CNTLN: variants seen among roughly 807,000 people sequenced by gnomAD.
CNTLN encodes centlein.
A neutral mutation model predicts 180.0 loss-of-function variants in CNTLN; 212 were observed. The ratio of observed to expected loss-of-function variants is 1.18; its 90% CI spans 1.05 to 1.32. The LOEUF (loss-of-function observed/expected upper bound fraction) is 1.32, where lower values mean the gene tolerates loss of function less well. CNTLN is among the 40% of genes most tolerant of loss of function. The pLI is 0.00. For synonymous variants in CNTLN, 722 were observed against 563.1 expected (o/e 1.28, Z -3.99); for missense variants, 2,095 against 1,610.9 (o/e 1.30, Z -5.14).
At position 17,279,653 on chromosome 9, in the gene CNTLN, G is replaced by A. The variant is rs201458324; in HGVS notation, c.983+5787G>A. 1.3e-4 allele frequency among the ~76,000 whole-genome samples: 19 copies of A among 149,340 alleles called. No homozygotes were observed. In the East Asian group the frequency reaches 3.3e-3, roughly 26 times the overall value. The stretch of plus-strand genomic sequence containing the variant: ...TTTTTTTTTTTTCCTGCAGAATTAT[G>A]TAGAGCAGCTGCTCGAAACCCTCTG... On this transcript the variant is annotated intron_variant, in intron 6 of 25. Coordinates refer to ENST00000380647, the MANE Select transcript of CNTLN (RefSeq NM_017738.4).
intron 7 of CNTLN, among the ~76,000 whole-genome samples, chr9:17,308,663 G>T (rs951590572): frequency 6.6e-6 from 1 of 150,766 alleles, no homozygotes. Context: ...TTTTGTTTTT[G>T]GTCAATTCCA....
chr9:17,400,262 T>A lies in CNTLN; in HGVS notation c.2615+5193T>A, dbSNP rs975666025. Among the ~76,000 whole-genome samples the A allele has an allele frequency of 4.6e-5, 7 of 152,074 alleles. No homozygotes were observed. In the East Asian group the frequency reaches 1.4e-3, roughly 29 times the overall value. Reference sequence around the variant, plus strand: ...AAGCGATTCTCCTGCCTCAGCCTCCTGCGTAGCTGGGAATACCGGCGCACA... The same window carrying A: ...AAGCGATTCTCCTGCCTCAGCCTCCAGCGTAGCTGGGAATACCGGCGCACA... On this transcript the variant is annotated intron_variant, in intron 15 of 25. Coordinates refer to ENST00000380647, the MANE Select transcript of CNTLN (RefSeq NM_017738.4).
chr9:17,226,214 A>T lies in CNTLN; in HGVS notation c.461A>T (p.Lys154Ile), dbSNP rs1300831674. Residue 154 changes from lysine (K) to isoleucine (I), a missense_variant, in exon 3 of 26, where the codon AAA becomes ATA. Lys to Ile is a moderately radical substitution (Grantham distance 102, BLOSUM62 -3). Coordinates refer to ENST00000380647, the MANE Select transcript of CNTLN (RefSeq NM_017738.4). ...VSLVVEREKQ[K>I]SEAKDRKVLE... ...TATTTTATATCTAGAGAAAAACAGA[A>T]ATCTGAAGCTAAAGACAGAAAAGTT... is the stretch of plus-strand genomic sequence containing the variant. 9.0e-6 allele frequency: 14 copies of T among 1,562,808 alleles called. No homozygotes were observed. The highest frequency in any genetic ancestry group is 1.4e-5 in the African/African-American group (1 of 72,328).
chr9:17,169,001 C>G (rs1397192250), intron 2 of CNTLN, among the ~76,000 whole-genome samples: 1 of 152,024 alleles, frequency 6.6e-6, no homozygotes, highest in African/African-American at 2.4e-5. Context: ...GATTTAGAGT[C>G]TTTTTATTTT....
chr9:17,380,237 T>C (rs377763258), intron 13 of CNTLN, among the ~76,000 whole-genome samples: 12 of 152,240 alleles, frequency 7.9e-5, no homozygotes, highest in Admixed American at 4.6e-4. Context: ...CCTGAGGCAT[T>C]GGGGGAGGGT....
chr9:17,323,784 A>C (rs1219254075), intron 8 of CNTLN, among the ~76,000 whole-genome samples: 1 of 152,214 alleles, frequency 6.6e-6, no homozygotes. Flanking sequence ...AATGTGAACA[A>C]AATCTTCTTG....
At chr9:17,159,801 A>G (rs776463847) in intron 2 of CNTLN, among the ~76,000 whole-genome samples, 4 of 152,184 alleles carry the variant, frequency 2.6e-5, no homozygotes, top group Non-Finnish European at 5.9e-5. Flanking sequence ...ATTGCCTTTC[A>G]TACTGATTGA....
At chr9:17,361,549 T>G (rs1415884623) in intron 12 of CNTLN, among the ~76,000 whole-genome samples, 1 of 152,224 alleles carries the variant, frequency 6.6e-6, no homozygotes, top group Non-Finnish European at 1.5e-5. Flanking sequence ...AAATAAAGAT[T>G]AGCCACATAC....
intron 2 of CNTLN, among the ~76,000 whole-genome samples, chr9:17,144,614 C>G (rs1234972942): frequency 6.6e-6 from 1 of 151,530 alleles, no homozygotes; most frequent in Non-Finnish European, 1.5e-5. Flanking sequence ...TTTACAATGT[C>G]TGTTTTTCAT....
chr9:17,517,530 A>G, the CNTLN span, among the ~76,000 whole-genome samples: 1 of 152,192 alleles, frequency 6.6e-6, no homozygotes, highest in East Asian at 1.9e-4. Context: ...TAGTGTCCTT[A>G]GGAGGGGAGA....
At chr9:17,457,810 A>C in intron 19 of CNTLN, 95 bp downstream of exon 19, 1 of 808,190 alleles carries the variant, frequency 1.2e-6, no homozygotes, top group Non-Finnish European at 1.7e-6. Context: ...AATAAAGGTA[A>C]ATTATGTTAT....
At chr9:17,220,400 G>A (rs1034177987) in intron 2 of CNTLN, among the ~76,000 whole-genome samples, 12 of 152,088 alleles carry the variant, frequency 7.9e-5, no homozygotes, top group East Asian at 5.8e-4. Flanking sequence ...AAGACTAACC[G>A]TACAGTTTTT....
At chr9:17,376,497 G>A (rs984561596) in intron 13 of CNTLN, among the ~76,000 whole-genome samples, 1 of 150,808 alleles carries the variant, frequency 6.6e-6, no homozygotes, top group South Asian at 2.1e-4. Context: ...TGTCCCTGAG[G>A]CTGGAGTGCA....
intron 23 of CNTLN, among the ~76,000 whole-genome samples, chr9:17,477,589 C>T (rs1320060932): frequency 1.3e-5 from 2 of 152,136 alleles, no homozygotes; most frequent in African/African-American, 4.8e-5. Flanking sequence ...GAGTTCAAGA[C>T]ATTAGTGGAG....
intron 2 of CNTLN, among the ~76,000 whole-genome samples, chr9:17,201,180 G>C (rs1822499216): frequency 6.6e-6 from 1 of 152,214 alleles, no homozygotes; most frequent in Non-Finnish European, 1.5e-5. Context: ...TATGGATGAA[G>C]CCGTCTTGAT....
intron 6 of CNTLN, among the ~76,000 whole-genome samples, chr9:17,282,424 T>G (rs1828720957): frequency 6.6e-6 from 1 of 152,214 alleles, no homozygotes; most frequent in African/African-American, 2.4e-5. Flanking sequence ...TTGCCCACTT[T>G]TTAAATGGGG....
intron 2 of CNTLN, among the ~76,000 whole-genome samples, chr9:17,220,809 G>T (rs1824083574): frequency 6.6e-6 from 1 of 151,762 alleles, no homozygotes; most frequent in Non-Finnish European, 1.5e-5. Context: ...GTATTCCACA[G>T]TGTATATGTA....
chr9:17,287,931 A>T (rs1198343086), intron 6 of CNTLN, among the ~76,000 whole-genome samples: 1 of 142,502 alleles, frequency 7.0e-6, no homozygotes, highest in African/African-American at 2.9e-5. Context: ...GTGGTCTATC[A>T]ATTTTGTTGA....
intron 7 of CNTLN, among the ~76,000 whole-genome samples, chr9:17,303,281 C>T (rs1428002629): frequency 3.3e-5 from 5 of 152,152 alleles, no homozygotes; most frequent in Non-Finnish European, 1.5e-5. Flanking sequence ...TACAAACTTG[C>T]ATTATCCATT....
Sources: gnomAD v4.1 joint callset for allele counts (sites outside exome capture counted in the v4.1 genomes callset) on GRCh38, gnomAD v4.1.1 for gene constraint, MANE v1.5 for transcripts, NCBI Gene and HGNC (gene_info 2026-07-23, HGNC 2026-07-21) for gene names.